The following ERC1 variants were observed in gnomAD, a reference collection of about 807,000 sequenced individuals.
ERC1 encodes the protein ELKS/RAB6-interacting/CAST family member 1.
In ERC1, 56 loss-of-function variants were observed where a neutral mutation model predicts 132.0. That is an observed-to-expected ratio of 0.42 (90% CI 0.34 to 0.53). The LOEUF is 0.53. ERC1 is among the 20% of genes least tolerant of loss of function. The pLI is 0.03. For synonymous variants in ERC1, 478 were observed against 476.1 expected (o/e 1.00, Z -0.05); for missense variants, 1,202 against 1,349.9 (o/e 0.89, Z 1.72).
chr12:999,609 A>ATTTTTTTTTTT (rs10661786), intron 1 of ERC1, among the ~76,000 whole-genome samples: 2 of 102,950 alleles, frequency 1.9e-5, no homozygotes, highest in African/African-American at 8.0e-5. Context: ...GTGCTAGGTG[A>ATTTTTTTTTTT]TTTTTTTTTT....
intron 9 of ERC1, among the ~76,000 whole-genome samples, chr12:1,181,448 A>G (rs1311989884): frequency 1.3e-5 from 2 of 152,222 alleles, no homozygotes; most frequent in African/African-American, 4.8e-5. Flanking sequence ...TGGGATTCAA[A>G]TGAATAAACC....
intron 17 of ERC1, among the ~76,000 whole-genome samples, chr12:1,429,873 G>T (rs2092741799): frequency 6.6e-6 from 1 of 152,158 alleles, no homozygotes; most frequent in Non-Finnish European, 1.5e-5. Context: ...AGTAGTTCGG[G>T]TGTATGTCAA....
chr12:1,434,945 C>CGA (rs563866291), intron 17 of ERC1, among the ~76,000 whole-genome samples: 145 of 152,184 alleles, frequency 9.5e-4, no homozygotes, highest in African/African-American at 3.0e-3. Flanking sequence ...CTTAACGTTT[C>CGA]GAGAGAGAGA....
intron 1 of ERC1, among the ~76,000 whole-genome samples, chr12:996,514 C>T (rs1411461025): frequency 5.9e-5 from 9 of 151,864 alleles, no homozygotes; most frequent in Non-Finnish European, 1.3e-4. Context: ...TCCAGGAGAT[C>T]AAGGCTGTAG....
At chr12:1,346,337 C>T (rs563277511) in intron 15 of ERC1, among the ~76,000 whole-genome samples, 1 of 152,162 alleles carries the variant, frequency 6.6e-6, no homozygotes, top group Non-Finnish European at 1.5e-5. Flanking sequence ...TTTGTCCTGA[C>T]TCATCTCTTA....
At chr12:1,470,151 G>C (rs1262512924) in intron 18 of ERC1, among the ~76,000 whole-genome samples, 1 of 151,602 alleles carries the variant, frequency 6.6e-6, no homozygotes, top group Non-Finnish European at 1.5e-5. Context: ...AAGATCCATA[G>C]CTCTCTGTGG....
chr12:1,231,618 A>T (rs2075044699), intron 12 of ERC1, among the ~76,000 whole-genome samples: 1 of 150,640 alleles, frequency 6.6e-6, no homozygotes, highest in Non-Finnish European at 1.5e-5. Flanking sequence ...GAACTCTGTC[A>T]GCTTTTGTTT....
chr12:1,159,592 A>C (rs113208113), intron 8 of ERC1, among the ~76,000 whole-genome samples: 3 of 152,172 alleles, frequency 2.0e-5, no homozygotes, highest in Non-Finnish European at 4.4e-5. Flanking sequence ...TTTCTGCATG[A>C]TATTTAGATA....
At chr12:1,288,255 A>C (rs2079169875) in intron 14 of ERC1, among the ~76,000 whole-genome samples, 2 of 152,264 alleles carry the variant, frequency 1.3e-5, no homozygotes, top group South Asian at 4.1e-4. Flanking sequence ...CCAGTATATT[A>C]CATAGCAATA....
At chr12:1,446,855 A>G (rs1025429994) in intron 18 of ERC1, among the ~76,000 whole-genome samples, 1 of 152,162 alleles carries the variant, frequency 6.6e-6, no homozygotes, top group African/African-American at 2.4e-5. Flanking sequence ...AAAAAATGTA[A>G]CGAACAGTAT....
At chr12:1,318,589 A>G (rs1393526017) in intron 15 of ERC1, among the ~76,000 whole-genome samples, 1 of 152,214 alleles carries the variant, frequency 6.6e-6, no homozygotes, top group Non-Finnish European at 1.5e-5. Flanking sequence ...AATAAAACTC[A>G]ATCATTAATC....
chr12:1,415,572 T>C (rs2092077542), intron 17 of ERC1, among the ~76,000 whole-genome samples: 2 of 152,220 alleles, frequency 1.3e-5, no homozygotes, highest in African/African-American at 4.8e-5. Context: ...ATTATTCTCA[T>C]TGCAACAGTG....
At chr12:1,416,788 G>A (rs2092140388) in intron 17 of ERC1, among the ~76,000 whole-genome samples, 1 of 152,136 alleles carries the variant, frequency 6.6e-6, no homozygotes. Flanking sequence ...GCCTCAGAGG[G>A]CTGTTTGATG....
At chr12:1,314,563 C>T (rs2081553939) in intron 15 of ERC1, among the ~76,000 whole-genome samples, 1 of 151,024 alleles carries the variant, frequency 6.6e-6, no homozygotes, top group Non-Finnish European at 1.5e-5. Context: ...AACTTTCCTA[C>T]CTGAATTTTT....
intron 5 of ERC1, among the ~76,000 whole-genome samples, chr12:1,111,122 G>T (rs978567911): frequency 6.6e-6 from 1 of 152,024 alleles, no homozygotes; most frequent in Non-Finnish European, 1.5e-5. Context: ...TTGCTGTCAG[G>T]TTTATTGCTT....
chr12:1,137,422 TA>T (rs1282858569), intron 7 of ERC1, among the ~76,000 whole-genome samples: 1 of 151,966 alleles, frequency 6.6e-6, no homozygotes, highest in Non-Finnish European at 1.5e-5. Context: ...ACCAGTTCTT[TA>T]ATATAATATG....
At chr12:1,151,482 T>G (rs1271635674) in intron 8 of ERC1, among the ~76,000 whole-genome samples, 1 of 152,192 alleles carries the variant, frequency 6.6e-6, no homozygotes, top group Non-Finnish European at 1.5e-5. Flanking sequence ...AAATCCCTGT[T>G]ATATTCCAGT....
Position 1,013,440 on chromosome 12 carries a change from A to G in ERC1, c.-156-14308A>G, listed in dbSNP as rs547048320. Among the ~76,000 whole-genome samples, 3 of 152,202 alleles carry G rather than the reference A, an allele frequency of 2.0e-5. No individual in the cohort carries two copies. In the South Asian group the frequency reaches 6.2e-4, roughly 32 times the overall value. On this transcript the variant is annotated intron_variant, in intron 1 of 18. Transcript: ENST00000360905. ...TGTAAACTGAGTTACCCTTCCATTA[A>G]AAAAAGGCGAAATAGTAACTGACAA... is the stretch of plus-strand genomic sequence containing the variant.
At chr12:1,016,410 C>G (rs764111782) in intron 1 of ERC1, among the ~76,000 whole-genome samples, 2 of 152,214 alleles carry the variant, frequency 1.3e-5, no homozygotes, top group Non-Finnish European at 2.9e-5. Context: ...TATTATTTTT[C>G]TAATCTATGA....
Sources: gnomAD v4.1 joint callset for allele counts (sites outside exome capture counted in the v4.1 genomes callset) on GRCh38, gnomAD v4.1.1 for gene constraint, MANE v1.5 for transcripts, NCBI Gene and HGNC (gene_info 2026-07-23, HGNC 2026-07-21) for gene names.